MAML3: variants seen among roughly 807,000 people sequenced by gnomAD.
MAML3 encodes the protein mastermind-like protein 3.
Under a neutral mutation model 101.9 loss-of-function variants are expected in MAML3, and 27 were observed. That is an observed-to-expected ratio of 0.27 (90% CI 0.20 to 0.37). The LOEUF is 0.37. MAML3 is among the 10% of genes least tolerant of loss of function. The probability of loss-of-function intolerance (pLI) is 1.00; values close to 1 mark genes in which losing one functional copy is unlikely to be tolerated. For missense variants in MAML3, 1,316 were observed against 1,444.9 expected (o/e 0.91, Z 1.45); for synonymous variants, 501 against 555.9 (o/e 0.90, Z 1.39).
rs12506879 is a variant in MAML3, at chr4:139,889,930, C to T, written c.1506G>A (p.Gln502=). ...GCTGTTGCTGCTGCTGCTGCTGCTG[C>T]TGCTGCTGCTGCTGCTGCTGCTGCT... The part of the protein sequence containing the change: ...QQQQQQQQQQ[Q]QQQQQQQQHS... The change falls in exon 2 of 5, where the codon CAG becomes CAA. Residue 502 remains glutamine, a synonymous_variant. Coordinates refer to ENST00000509479, the MANE Select transcript of MAML3 (RefSeq NM_018717.5). 0.49 allele frequency: 75,455 copies of T among 154,016 alleles called. 26,588 individuals are homozygous for T. Among genetic ancestry groups the T allele is most frequent in the Non-Finnish European group, 0.63 (66,308 of 106,038 alleles). 9.5% of individuals were successfully genotyped at this position (154,016 alleles called of 1,614,324 possible).
chr4:139,807,640 C>G (rs1730724142), intron 2 of MAML3, among the ~76,000 whole-genome samples: 1 of 152,166 alleles, frequency 6.6e-6, no homozygotes, highest in Non-Finnish European at 1.5e-5. Context: ...GGCAGAAGAG[C>G]CTTGTGGTGG....
rs370266753 is a variant in MAML3 at position 139,832,170 on chromosome 4, C to T, written c.2079+57187G>A. On this transcript the variant is annotated intron_variant, in intron 2 of 4. Coordinates refer to ENST00000509479, the MANE Select transcript of MAML3 (RefSeq NM_018717.5). ...CTCAGGCTGGAGTGCGGTGGGGCCA[C>T]CTTGGCTCCCTACAACCTCCACCTC... 4.7e-4 allele frequency among the ~76,000 whole-genome samples: 67 copies of T among 143,458 alleles called. No homozygotes were observed. In the East Asian group the frequency reaches 0.012, roughly 25 times the overall value. The allele number at this position is 143,458 out of a possible 152,430, so 94.1% of individuals were successfully genotyped here.
chr4:140,089,228 C>T (rs35696666), intron 1 of MAML3, among the ~76,000 whole-genome samples: 5,059 of 152,272 alleles, frequency 0.033, 124 homozygotes, highest in Middle Eastern at 0.061. Flanking sequence ...AAAGAAATTG[C>T]ATGTCCTAAA....
chr4:139,799,026 A>G (rs1226399707), intron 2 of MAML3, among the ~76,000 whole-genome samples: 1 of 152,200 alleles, frequency 6.6e-6, no homozygotes. Context: ...AGGCAGTTAA[A>G]AGCAGCCTAA....
chr4:139,970,525 A>G (rs1227405075), intron 1 of MAML3, among the ~76,000 whole-genome samples: 1 of 152,202 alleles, frequency 6.6e-6, no homozygotes, highest in Non-Finnish European at 1.5e-5. Context: ...AATGGATCAG[A>G]CAATCAAGAG....
At chr4:139,834,235 A>C (rs1409259590) in intron 2 of MAML3, among the ~76,000 whole-genome samples, 1 of 152,244 alleles carries the variant, frequency 6.6e-6, no homozygotes, top group Non-Finnish European at 1.5e-5. Flanking sequence ...GTTGGAATCT[A>C]TACTAGACAC....
chr4:139,821,457 G>A (rs1444321792), intron 2 of MAML3, among the ~76,000 whole-genome samples: 1 of 152,216 alleles, frequency 6.6e-6, no homozygotes, highest in African/African-American at 2.4e-5. Context: ...TGAGGTGGAA[G>A]AGCTTCATCC....
intron 1 of MAML3, among the ~76,000 whole-genome samples, chr4:140,110,944 G>A (rs1429766164): frequency 6.6e-6 from 1 of 152,148 alleles, no homozygotes; most frequent in East Asian, 1.9e-4. Context: ...AAGGACAAGA[G>A]TGATGTAATT....
chr4:139,839,046 T>A (rs1175594241), intron 2 of MAML3, among the ~76,000 whole-genome samples: 1 of 152,158 alleles, frequency 6.6e-6, no homozygotes, highest in Non-Finnish European at 1.5e-5. Flanking sequence ...AAATCCTCAG[T>A]CAAGCTTAAA....
chr4:140,029,785 A>G (rs1726879178), intron 1 of MAML3, among the ~76,000 whole-genome samples: 1 of 152,212 alleles, frequency 6.6e-6, no homozygotes, highest in South Asian at 2.1e-4. Context: ...ACCATAAGCA[A>G]AGATGCTAAC....
At chr4:140,082,645 G>T (rs1050233455) in intron 1 of MAML3, among the ~76,000 whole-genome samples, 1 of 152,116 alleles carries the variant, frequency 6.6e-6, no homozygotes, top group African/African-American at 2.4e-5. Context: ...CTGTCAGGAA[G>T]TAAAAGTTCA....
Position 139,949,238 on chromosome 4 carries a change from G to A in MAML3, c.469-58271C>T, listed in dbSNP as rs575619395. ...CACCATGTTGTCCAGGATGGTCTTG[G>A]TATCTTGACCTCGTGATCCGCCTGC... is the stretch of plus-strand genomic sequence containing the variant. On this transcript the variant is annotated intron_variant, in intron 1 of 4. Coordinates refer to ENST00000509479, the MANE Select transcript of MAML3 (RefSeq NM_018717.5). 1.6e-4 allele frequency among the ~76,000 whole-genome samples: 25 copies of A among 152,034 alleles called. No homozygotes were observed. The South Asian group carries it at 1.7e-3, about 10-fold the overall frequency.
chr4:139,754,402 ATTTCCAACCAAAAC>A (rs2111045433), intron 2 of MAML3, among the ~76,000 whole-genome samples: 1 of 152,362 alleles, frequency 6.6e-6, no homozygotes, highest in South Asian at 2.1e-4. Context: ...CACTCAATGT[ATTTCCAACCAAAAC>A]ATTCATTCAA....
At chr4:139,939,826 G>A (rs986154899) in intron 1 of MAML3, among the ~76,000 whole-genome samples, 10 of 149,410 alleles carry the variant, frequency 6.7e-5, no homozygotes, top group Non-Finnish European at 8.9e-5. Flanking sequence ...GTGCAGTGGC[G>A]CGATCTCGGC....
At chr4:139,797,309 C>G (rs1029630812) in intron 2 of MAML3, among the ~76,000 whole-genome samples, 1 of 152,138 alleles carries the variant, frequency 6.6e-6, no homozygotes, top group African/African-American at 2.4e-5. Flanking sequence ...CAGGGTCATG[C>G]TACATATAGG....
At chr4:139,781,011 T>C (rs926176793) in intron 2 of MAML3, among the ~76,000 whole-genome samples, 5 of 152,122 alleles carry the variant, frequency 3.3e-5, no homozygotes, top group South Asian at 4.1e-4. Flanking sequence ...AAAATCATCA[T>C]TTTATCTTTG....
At chr4:139,884,750 A>C (rs926081687) in intron 2 of MAML3, among the ~76,000 whole-genome samples, 1 of 152,354 alleles carries the variant, frequency 6.6e-6, no homozygotes. Context: ...ATTTGATCTC[A>C]AAAGCGGCTC....
At chr4:140,010,033 C>A (rs963972749) in intron 1 of MAML3, among the ~76,000 whole-genome samples, 10 of 152,148 alleles carry the variant, frequency 6.6e-5, no homozygotes, top group Non-Finnish European at 1.2e-4. Context: ...TTATTGGGTG[C>A]TTCCACATCC....
At chr4:140,020,887 A>G (rs561470936) in intron 1 of MAML3, among the ~76,000 whole-genome samples, 1 of 152,340 alleles carries the variant, frequency 6.6e-6, no homozygotes, top group South Asian at 2.1e-4. Flanking sequence ...CCGTTCTCAT[A>G]AATTTACCTA....
Sources: allele counts gnomAD v4.1 joint callset (sites outside exome capture counted in the v4.1 genomes callset), GRCh38; gene constraint gnomAD v4.1.1; transcripts MANE v1.5; gene names NCBI Gene and HGNC (gene_info 2026-07-23, HGNC 2026-07-21).